Variants in PCDH15 observed in about 807,000 individuals in gnomAD.
The protein encoded by PCDH15 is protocadherin-15.
PCDH15 carries 129 observed loss-of-function variants against 178.5 expected under a neutral mutation model. That is an observed-to-expected ratio of 0.72 (90% confidence interval 0.63 to 0.84). The LOEUF is 0.84. Among genes scored for constraint, PCDH15 ranks in the 40% least tolerant of loss-of-function variants. The probability of loss-of-function intolerance (pLI) is 0.00; values close to 1 mark genes in which losing one functional copy is unlikely to be tolerated. For missense variants in PCDH15, 2,230 were observed against 2,099.9 expected (o/e 1.06, Z -1.21); for synonymous variants, 800 against 732.0 (o/e 1.09, Z -1.50).
intron 2 of PCDH15, among the ~76,000 whole-genome samples, chr10:55,442,736 T>C (rs912560678): frequency 6.6e-6 from 1 of 151,800 alleles, no homozygotes; most frequent in African/African-American, 2.4e-5. Context: ...AACTAGATTG[T>C]GAATGCACGG....
At chr10:55,372,077 T>C (rs1187035030) in intron 2 of PCDH15, among the ~76,000 whole-genome samples, 1 of 152,170 alleles carries the variant, frequency 6.6e-6, no homozygotes, top group Non-Finnish European at 1.5e-5. Context: ...CAGCTAATTG[T>C]TTCAATTAAA....
chr10:55,048,648 T>C (rs1413584265), intron 2 of PCDH15, among the ~76,000 whole-genome samples: 2 of 151,960 alleles, frequency 1.3e-5, no homozygotes, highest in Non-Finnish European at 2.9e-5. Context: ...TTAAAACACA[T>C]ATTCTAAGCC....
At chr10:54,871,418 A>C (rs1387802526) in intron 3 of PCDH15, among the ~76,000 whole-genome samples, 1 of 126,286 alleles carries the variant, frequency 7.9e-6, no homozygotes, top group African/African-American at 2.9e-5. Flanking sequence ...GTACAGACGA[A>C]GTCTGAGAGG....
At chr10:54,847,924 C>T (rs1434136488) in intron 3 of PCDH15, among the ~76,000 whole-genome samples, 1 of 152,156 alleles carries the variant, frequency 6.6e-6, no homozygotes, top group African/African-American at 2.4e-5. Context: ...GATGGCCAAG[C>T]CCATATACTT....
intron 4 of PCDH15, among the ~76,000 whole-genome samples, chr10:54,371,611 C>T (rs1428209941): frequency 6.6e-6 from 1 of 151,762 alleles, no homozygotes; most frequent in Non-Finnish European, 1.5e-5. Flanking sequence ...TAGAGGGCTT[C>T]TCTTAATCCA....
At chr10:54,296,910 C>T (rs1229379363) in intron 8 of PCDH15, among the ~76,000 whole-genome samples, 1 of 152,166 alleles carries the variant, frequency 6.6e-6, no homozygotes, top group Non-Finnish European at 1.5e-5. Flanking sequence ...CCAATATTAA[C>T]AGGAGAATGC....
chr10:54,473,591 TTTAA>T (rs1380716274), intron 3 of PCDH15, among the ~76,000 whole-genome samples: 1 of 152,114 alleles, frequency 6.6e-6, no homozygotes, highest in African/African-American at 2.4e-5. Flanking sequence ...AAATAAGTAC[TTTAA>T]TTATTTGCTT....
chr10:54,510,583 G>A lies in PCDH15; in HGVS notation c.157+17229C>T, dbSNP rs187842820. Among the ~76,000 whole-genome samples the A allele has an allele frequency of 1.2e-3, 177 of 152,216 alleles. 3 individuals are homozygous for A. The East Asian group carries it at 0.032, about 28-fold the overall frequency. ...GGAAAACTACAATGGACTAACACAG[G>A]AAGAACTACTAATGGCCAAGGCTCT... is the stretch of plus-strand genomic sequence containing the variant. On this transcript the variant is annotated intron_variant, in intron 3 of 37. Coordinates refer to ENST00000644397, the MANE Select transcript of PCDH15 (RefSeq NM_001384140.1).
chr10:55,573,468 A>G (rs1564460742), intron 2 of PCDH15, among the ~76,000 whole-genome samples: 1 of 152,126 alleles, frequency 6.6e-6, no homozygotes, highest in Non-Finnish European at 1.5e-5. Flanking sequence ...TGAAATAATT[A>G]CAAGTTTTCA....
At chr10:54,155,388 G>A (rs1191664146) in intron 13 of PCDH15, among the ~76,000 whole-genome samples, 4 of 152,040 alleles carry the variant, frequency 2.6e-5, no homozygotes, top group African/African-American at 9.7e-5. Flanking sequence ...GGTATTCAGG[G>A]AACACAATTA....
At chr10:53,945,625 T>G (rs934637659) in intron 23 of PCDH15, among the ~76,000 whole-genome samples, 3 of 151,864 alleles carry the variant, frequency 2.0e-5, no homozygotes, top group Non-Finnish European at 4.4e-5. Flanking sequence ...GTTCAGCTGT[T>G]TTAGATTCCA....
At chr10:54,347,545 A>T (rs932555889) in intron 5 of PCDH15, among the ~76,000 whole-genome samples, 1 of 152,258 alleles carries the variant, frequency 6.6e-6, no homozygotes, top group African/African-American at 2.4e-5. Flanking sequence ...GATGGTAAAA[A>T]TAGCTTAAGA....
chr10:53,825,765 A>ATAGAT (rs1460335270), intron 32 of PCDH15, among the ~76,000 whole-genome samples: 1 of 145,086 alleles, frequency 6.9e-6, no homozygotes, highest in African/African-American at 2.8e-5. Context: ...AAGTTCTTGA[A>ATAGAT]TAGATAGATA....
intron 9 of PCDH15, 129 bp downstream of exon 9, chr10:54,236,694 T>A: frequency 1.2e-6 from 1 of 819,382 alleles, no homozygotes; most frequent in South Asian, 1.5e-5. Flanking sequence ...AAAATGTGTT[T>A]ATACACAAAA....
At chr10:54,391,508 G>A (rs1950542443) in intron 3 of PCDH15, among the ~76,000 whole-genome samples, 1 of 151,980 alleles carries the variant, frequency 6.6e-6, no homozygotes, top group Admixed American at 6.5e-5. Context: ...TAAGAGAGGT[G>A]TGAGTAGGGT....
intron 2 of PCDH15, among the ~76,000 whole-genome samples, chr10:54,645,342 T>G (rs192596617): frequency 1.7e-3 from 259 of 151,482 alleles, no homozygotes; most frequent in African/African-American, 6.2e-3. Context: ...AAATGGTAAA[T>G]AGAAAAGTGA....
chr10:55,596,168 A>T (rs1842931455), intron 2 of PCDH15, among the ~76,000 whole-genome samples: 1 of 152,120 alleles, frequency 6.6e-6, no homozygotes, highest in African/African-American at 2.4e-5. Context: ...CACCATATAG[A>T]CACAGCAAAA....
At chr10:55,335,886 C>T (rs140813109) in intron 2 of PCDH15, among the ~76,000 whole-genome samples, 17 of 152,124 alleles carry the variant, frequency 1.1e-4, no homozygotes, top group African/African-American at 4.1e-4. Context: ...AAAAAGCAGA[C>T]GCCTTAGTCT....
At chr10:54,184,162 T>C (rs2048269548) in intron 12 of PCDH15, among the ~76,000 whole-genome samples, 1 of 152,136 alleles carries the variant, frequency 6.6e-6, no homozygotes, top group Admixed American at 6.6e-5. Context: ...TTATCAAGAT[T>C]TTAACAATTC....
Sources: gnomAD v4.1 joint callset for allele counts (sites outside exome capture counted in the v4.1 genomes callset) on GRCh38, gnomAD v4.1.1 for gene constraint, MANE v1.5 for transcripts, NCBI Gene and HGNC (gene_info 2026-07-23, HGNC 2026-07-21) for gene names.